Variants in MMP20 observed in about 807,000 individuals in gnomAD.
The protein encoded by MMP20 is matrix metallopeptidase 20, also known as matrix metalloproteinase-20.
Under a neutral mutation model 51.8 loss-of-function variants are expected in MMP20, and 50 were observed. The ratio of observed to expected loss-of-function variants is 0.97; its 90% CI spans 0.77 to 1.22. The LOEUF (loss-of-function observed/expected upper bound fraction) is 1.22, where lower values mean the gene tolerates loss of function less well. MMP20 is among the 50% of genes most tolerant of loss of function. MMP20 has a pLI of 0.00. For missense variants in MMP20, 663 were observed against 601.4 expected (o/e 1.10, Z -1.07); for synonymous variants, 244 against 216.2 (o/e 1.13, Z -1.13).
intron 1 of MMP20, among the ~76,000 whole-genome samples, chr11:102,617,457 C>T (rs139557515): frequency 3.9e-5 from 6 of 152,136 alleles, no homozygotes; most frequent in Non-Finnish European, 7.4e-5. Context: ...ATTTGCAAAA[C>T]AAAGGCTATC....
intron 8 of MMP20, among the ~76,000 whole-genome samples, chr11:102,592,106 G>A (rs1338312211): frequency 2.0e-5 from 3 of 152,138 alleles, no homozygotes; most frequent in African/African-American, 7.2e-5. Context: ...TTCACCAGGG[G>A]AATTGGATTT....
intron 3 of MMP20, among the ~76,000 whole-genome samples, chr11:102,610,317 T>C (rs1292778302): frequency 6.7e-6 from 1 of 148,530 alleles, no homozygotes; most frequent in Non-Finnish European, 1.5e-5. Flanking sequence ...TAGGATACTG[T>C]GGACTTTGCA....
At position 102,611,652 on chromosome 11, in the gene MMP20, T is replaced by C. The variant is rs1859601033; in HGVS notation, c.523+103A>G. ...TTGGCCTTGGCCCATCACAGCACTG[T>C]GCGAAGGAGGAGTGTGTGATCACTC... On this transcript the variant is annotated intron_variant, in intron 3 of 9. Transcript: ENST00000260228. 5 of 1,422,714 alleles carry C rather than the reference T, an allele frequency of 3.5e-6. No homozygotes were observed. The East Asian group carries it at 1.2e-4, about 33-fold the overall frequency. The allele number at this position is 1,422,714 out of a possible 1,614,324, so 88.1% of individuals were successfully genotyped here.
In MMP20 at chr11:102,611,782, C is replaced by G; in HGVS notation, c.496G>C (p.Asp166His). The G allele has an allele frequency of 3.1e-6, 5 of 1,614,182 alleles. No individual in the cohort carries two copies. The highest frequency in any genetic ancestry group is 4.2e-6 in the Non-Finnish European group (5 of 1,180,040). ...CCATTTTCAAAAGATATCATAATAT[C>G]CGCTTCTCCTGAGTTTATTCTGACA... ...SFVRINSGEADIMISFENGDH... is the reference protein window; with the variant it reads ...SFVRINSGEAHIMISFENGDH... Residue 166 changes from aspartate to histidine, a missense_variant, in exon 3 of 10, where the codon GAT becomes CAT. Physicochemically the swap from Asp to His is moderately conservative, Grantham distance 81 (BLOSUM62 -1). Transcript: ENST00000260228.
intron 5 of MMP20, chr11:102,607,529 G>A (rs1711425): frequency 0.41 from 63,081 of 152,234 alleles, 13,434 homozygotes; most frequent in South Asian, 0.58. Flanking sequence ...GAGGTTTGAG[G>A]TCAGGGATGA....
chr11:102,625,105 A>G (rs1302507952), intron 1 of MMP20, 89 bp downstream of exon 1: 2 of 1,525,552 alleles, frequency 1.3e-6, no homozygotes, highest in African/African-American at 1.4e-5. Flanking sequence ...TTAAAAGAAC[A>G]ATAGAATTTT....
chr11:102,620,357 G>A (rs1358661472), intron 1 of MMP20, among the ~76,000 whole-genome samples: 2 of 152,134 alleles, frequency 1.3e-5, no homozygotes, highest in Non-Finnish European at 2.9e-5. Context: ...ATTCTATCAG[G>A]CACTTAGGTG....
At chr11:102,592,983 C>A (rs1859334940) in intron 8 of MMP20, among the ~76,000 whole-genome samples, 1 of 152,178 alleles carries the variant, frequency 6.6e-6, no homozygotes, top group Admixed American at 6.5e-5. Flanking sequence ...AAGGACTAAG[C>A]AATAAGGCCT....
At position 102,606,644 on chromosome 11, in the gene MMP20, G is replaced by C. The variant is rs1365129422; in HGVS notation, c.844C>G (p.Leu282Val). 6.2e-7 allele frequency: 1 copy of C among 1,613,890 alleles called. No individual in the cohort carries two copies. The highest frequency in any genetic ancestry group is 8.5e-7 in the Non-Finnish European group (1 of 1,179,908). The change falls in exon 6 of 10, where the codon CTG becomes GTG. Residue 282 changes from leucine to valine, a missense_variant. Coordinates refer to ENST00000260228, the MANE Select transcript of MMP20 (RefSeq NM_004771.4). Reference protein sequence around the residue: ...PRKVFLGKPTLPHAPHHKPSI... With the variant: ...PRKVFLGKPTVPHAPHHKPSI... ...GGCTTGTGATGGGGGGCATGGGGCA[G>C]AGTGGGCTTCCCCAGGAATACTTTC...
At chr11:102,584,993 A>G (rs1006776834) in intron 8 of MMP20, among the ~76,000 whole-genome samples, 9 of 152,152 alleles carry the variant, frequency 5.9e-5, no homozygotes, top group Admixed American at 2.6e-4. Flanking sequence ...GGCTATCCTT[A>G]TGCAAATATC....
rs781268807 is a variant in MMP20, at chr11:102,611,913, C to T, written c.375-10G>A. The T allele has an allele frequency of 6.5e-5, 105 of 1,613,920 alleles. 1 individual carries two copies. The East Asian group carries it at 2.1e-3, about 32-fold the overall frequency. ...TGTGTATTTAGATATTCTGTGAAAACGGAAGGAACATGTTTTCTTTTCAGT... is the reference window on the plus strand; with the variant it reads ...TGTGTATTTAGATATTCTGTGAAAATGGAAGGAACATGTTTTCTTTTCAGT... On this transcript the variant is annotated splice_polypyrimidine_tract_variant and intron_variant, in intron 2 of 9. Transcript: ENST00000260228.
chr11:102,602,116 A>ATTTTTTTT (rs10593493), intron 6 of MMP20, among the ~76,000 whole-genome samples: 363 of 109,584 alleles, frequency 3.3e-3, no homozygotes, highest in African/African-American at 4.9e-3. Context: ...CGCCCGGCTA[A>ATTTTTTTT]TTTTTTTTTT....
chr11:102,613,375 T>C (rs1482187777), intron 2 of MMP20, among the ~76,000 whole-genome samples: 1 of 151,178 alleles, frequency 6.6e-6, no homozygotes, highest in Non-Finnish European at 1.5e-5. Flanking sequence ...CTGCTTTCTC[T>C]CTCTCTCTCT....
chr11:102,612,419 C>T (rs7115479), intron 2 of MMP20, among the ~76,000 whole-genome samples: 23,930 of 152,096 alleles, frequency 0.16, 2,181 homozygotes, highest in East Asian at 0.34. Context: ...GAGCCAAGAT[C>T]GGGCGACTGC....
intron 8 of MMP20, among the ~76,000 whole-genome samples, chr11:102,589,867 T>C (rs1711400): frequency 0.51 from 77,283 of 152,010 alleles, 20,252 homozygotes; most frequent in South Asian, 0.67. Flanking sequence ...TATTTATTTA[T>C]TTATGGTGAC....
intron 2 of MMP20, among the ~76,000 whole-genome samples, chr11:102,615,871 G>A (rs530606729): frequency 1.3e-5 from 2 of 152,226 alleles, no homozygotes; most frequent in East Asian, 3.9e-4. Context: ...GCACCCATCT[G>A]TCATGCATGA....
intron 8 of MMP20, among the ~76,000 whole-genome samples, chr11:102,592,715 CA>C (rs1179427618): frequency 6.6e-6 from 1 of 152,018 alleles, no homozygotes; most frequent in African/African-American, 2.4e-5. Context: ...GATAAACAGG[CA>C]AAAAAGAGAA....
At chr11:102,585,085 T>C (rs1270335394) in intron 8 of MMP20, among the ~76,000 whole-genome samples, 2 of 152,148 alleles carry the variant, frequency 1.3e-5, no homozygotes. Flanking sequence ...TTTAAAGATA[T>C]TTTGGCTATT....
chr11:102,585,891 A>T lies in MMP20; in HGVS notation c.1248-6749T>A, dbSNP rs528858036. Among the ~76,000 whole-genome samples the T allele has an allele frequency of 2.0e-3, 306 of 152,162 alleles. 3 individuals are homozygous for T. Among genetic ancestry groups the T allele is most frequent in the Non-Finnish European group, 7.4e-4 (50 of 67,962 alleles). The stretch of plus-strand genomic sequence containing the variant: ...AGATGATCATATGATTTTTGTTTTT[A>T]TTCTATTGATATGGGACATTACATT... On this transcript the variant is annotated intron_variant, in intron 8 of 9. Transcript: ENST00000260228.
Sources: gnomAD v4.1 joint callset for allele counts (sites outside exome capture counted in the v4.1 genomes callset) on GRCh38, gnomAD v4.1.1 for gene constraint, MANE v1.5 for transcripts, NCBI Gene and HGNC (gene_info 2026-07-23, HGNC 2026-07-21) for gene names.